Variants in ALKBH8 observed in about 807,000 individuals in gnomAD.
ALKBH8 encodes tRNA (carboxymethyluridine(34)-5-O)-methyltransferase ALKBH8.
In ALKBH8, 36 loss-of-function variants were observed where a neutral mutation model predicts 59.8. That is an observed-to-expected ratio of 0.60 (90% CI 0.46 to 0.79). ALKBH8 has a LOEUF of 0.79. ALKBH8 is among the 30% of genes least tolerant of loss of function. The pLI, the probability that ALKBH8 is intolerant of heterozygous loss-of-function variation, is 0.00. For synonymous variants in ALKBH8, 276 were observed against 273.6 expected (o/e 1.01, Z -0.09); for missense variants, 768 against 801.0 (o/e 0.96, Z 0.50).
Position 107,542,744 on chromosome 11 carries a change from T to C in ALKBH8, c.771+7009A>G, listed in dbSNP as rs1374001254. ...GGGCAACAGGGCAAAACCCCGTTTC[T>C]ACAAAAAATACAAAAATTAGCTGGG... On this transcript the variant is annotated intron_variant, in intron 7 of 11. Coordinates refer to ENST00000428149, the MANE Select transcript of ALKBH8 (RefSeq NM_138775.3). Among the ~76,000 whole-genome samples, 7 of 152,190 alleles carry C rather than the reference T, an allele frequency of 4.6e-5. No homozygotes were observed. The East Asian group carries it at 9.7e-4, about 21-fold the overall frequency.
At chr11:107,512,198 C>CAT (rs1862658667) in intron 10 of ALKBH8, among the ~76,000 whole-genome samples, 1 of 142,826 alleles carries the variant, frequency 7.0e-6, no homozygotes, top group African/African-American at 2.5e-5. Flanking sequence ...AAGAATATCA[C>CAT]ATATATATGT....
intron 7 of ALKBH8, among the ~76,000 whole-genome samples, chr11:107,547,110 A>C (rs1487059910): frequency 6.6e-6 from 1 of 152,258 alleles, no homozygotes; most frequent in Non-Finnish European, 1.5e-5. Context: ...CATTACAAAA[A>C]ACCAAAACAA....
intron 2 of ALKBH8, 138 bp downstream of exon 2, chr11:107,560,627 A>G (rs1864897211): frequency 2.6e-6 from 2 of 765,876 alleles, no homozygotes; most frequent in African/African-American, 3.5e-5. Flanking sequence ...TTAGCAGTTC[A>G]TATCATATGT....
chr11:107,556,263 A>G (rs990121504), intron 3 of ALKBH8, among the ~76,000 whole-genome samples: 5 of 152,114 alleles, frequency 3.3e-5, no homozygotes, highest in African/African-American at 1.2e-4. Context: ...GGGCAACAAG[A>G]GCAAAACTCT....
rs761680732 is a variant in ALKBH8, at chr11:107,505,153, G to A, written c.1500C>T (p.Leu500=). The part of the protein sequence containing the change: ...VRLLRPGGKA[L]IYVWAMEQEY... ...CTTGTTCCATTGCCCAGACATAAATGAGTGCCTTCCCACCTGGTCTCAGGA... is the reference window on the plus strand; with the variant it reads ...CTTGTTCCATTGCCCAGACATAAATAAGTGCCTTCCCACCTGGTCTCAGGA... The change falls in exon 12 of 12, where the codon CTC becomes CTT. Residue 500 remains leucine, a synonymous_variant. Transcript: ENST00000428149. 1.8e-5 allele frequency: 28 copies of A among 1,550,926 alleles called. 1 individual carries two copies. In the Admixed American group the frequency reaches 3.9e-4, roughly 22 times the overall value.
At chr11:107,508,471 C>G (rs1862487441) in intron 11 of ALKBH8, among the ~76,000 whole-genome samples, 1 of 152,172 alleles carries the variant, frequency 6.6e-6, no homozygotes, top group Non-Finnish European at 1.5e-5. Flanking sequence ...CGACAGCTGG[C>G]CTCAATGACT....
At chr11:107,562,977 A>G (rs2088412501) in intron 1 of ALKBH8, among the ~76,000 whole-genome samples, 1 of 152,188 alleles carries the variant, frequency 6.6e-6, no homozygotes, top group Admixed American at 6.5e-5. Flanking sequence ...TGACTAAGAG[A>G]TGAGTGCTAC....
At chr11:107,505,266 A>G in intron 11 of ALKBH8, 51 bp from the exon 12 acceptor site, 1 of 1,413,672 alleles carries the variant, frequency 7.1e-7, no homozygotes. Flanking sequence ...ACAGGAAATC[A>G]GAAAATAAAA....
At chr11:107,556,224 G>A (rs549969868) in intron 3 of ALKBH8, among the ~76,000 whole-genome samples, 29 of 152,252 alleles carry the variant, frequency 1.9e-4, no homozygotes, top group South Asian at 1.7e-3. Flanking sequence ...GTTGCAGTGA[G>A]CCGAGATTGT....
rs1266061139 is a variant in ALKBH8 at position 107,532,337 on chromosome 11, C to T, written c.841G>A (p.Val281Met). The T allele has an allele frequency of 6.2e-7, 1 of 1,613,600 alleles. No individual in the cohort carries two copies. The highest frequency in any genetic ancestry group is 8.5e-7 in the Non-Finnish European group (1 of 1,179,650). ...AGGTATCTAGATTCTCCTGTCATCA[C>T]CAGCAAACTCCGACGAGGCAACATA... ...PVMLPRRSLL[V>M]MTGESRYLWT... is the part of the protein sequence containing the mutation. Residue 281 changes from valine to methionine, a missense_variant, in exon 8 of 12, where the codon GTG becomes ATG. By Grantham distance (21) the Val-to-Met change is conservative. Transcript: ENST00000428149.
At chr11:107,559,965 C>A (rs746365182) in intron 2 of ALKBH8, among the ~76,000 whole-genome samples, 1 of 152,146 alleles carries the variant, frequency 6.6e-6, no homozygotes, top group Admixed American at 6.5e-5. Context: ...TATTCTATAA[C>A]TTTATGAGCC....
At chr11:107,524,597 A>T (rs1863272336) in intron 9 of ALKBH8, among the ~76,000 whole-genome samples, 1 of 152,234 alleles carries the variant, frequency 6.6e-6, no homozygotes, top group African/African-American at 2.4e-5. Flanking sequence ...TAACTTTTAA[A>T]ATTTGATATT....
In ALKBH8 at chr11:107,555,585, G is replaced by A. The variant is rs559245055; in HGVS notation, c.367+1181C>T. On this transcript the variant is annotated intron_variant, in intron 3 of 11. Transcript: ENST00000428149. ...GCTTAAGTCAGATTTAAAATTAAAT[G>A]CATATGAGCACTGAGAAATATAGTT... Among the ~76,000 whole-genome samples, 11 of 152,252 alleles carry A rather than the reference G, an allele frequency of 7.2e-5. No homozygotes were observed. The East Asian group carries it at 1.9e-3, about 27-fold the overall frequency.
At chr11:107,536,821 G>T (rs1863835168) in intron 7 of ALKBH8, among the ~76,000 whole-genome samples, 1 of 152,222 alleles carries the variant, frequency 6.6e-6, no homozygotes, top group Non-Finnish European at 1.5e-5. Flanking sequence ...TGAAGAGGAC[G>T]TCAGCCAAAG....
intron 2 of ALKBH8, among the ~76,000 whole-genome samples, chr11:107,559,829 T>C (rs777029468): frequency 8.5e-5 from 13 of 152,190 alleles, no homozygotes; most frequent in Non-Finnish European, 1.6e-4. Context: ...GAAGACAGCA[T>C]AGTAAGCATT....
chr11:107,544,601 C>A (rs2135554233), intron 7 of ALKBH8, among the ~76,000 whole-genome samples: 1 of 152,172 alleles, frequency 6.6e-6, no homozygotes. Flanking sequence ...TTATTTATTT[C>A]TGGCCCACAA....
At position 107,553,158 on chromosome 11, in the gene ALKBH8, T is replaced by G. The variant is rs150785153; in HGVS notation, c.545A>C (p.Glu182Ala). 82 of 1,610,546 alleles carry G rather than the reference T, an allele frequency of 5.1e-5. No individual in the cohort carries two copies. In the African/African-American group the frequency reaches 1.0e-3, roughly 20 times the overall value. ...TACATTGTTGTTCTCATAGTGGAAC[T>G]CATAACCAAAATGCTTTACTCTTCT... ...KHRRVKHFGY[E>A]FHYENNNVDK... is the part of the protein sequence containing the mutation. The change falls in exon 5 of 12, where the codon GAG becomes GCG. Residue 182 changes from glutamate to alanine, a missense_variant. By Grantham distance (107) the Glu-to-Ala change is moderately radical (BLOSUM62 -1). Coordinates refer to ENST00000428149, the MANE Select transcript of ALKBH8 (RefSeq NM_138775.3).
intron 10 of ALKBH8, among the ~76,000 whole-genome samples, chr11:107,514,279 A>G (rs1382989862): frequency 2.6e-5 from 4 of 152,206 alleles, no homozygotes; most frequent in Admixed American, 6.5e-5. Context: ...GAAACATTAC[A>G]TTACAGAGTT....
At chr11:107,538,578 T>C (rs1863916139) in intron 7 of ALKBH8, among the ~76,000 whole-genome samples, 1 of 152,194 alleles carries the variant, frequency 6.6e-6, no homozygotes, top group African/African-American at 2.4e-5. Flanking sequence ...AGGATAATGT[T>C]CAGTCCTAAG....
Sources: allele counts gnomAD v4.1 joint callset (sites outside exome capture counted in the v4.1 genomes callset), GRCh38; gene constraint gnomAD v4.1.1; transcripts MANE v1.5; gene names NCBI Gene and HGNC (gene_info 2026-07-23, HGNC 2026-07-21).